Variants in RALYL observed in about 807,000 individuals in gnomAD.
RALYL encodes the protein RNA-binding Raly-like protein.
A neutral mutation model predicts 35.1 loss-of-function variants in RALYL; 29 were observed. The ratio of observed to expected loss-of-function variants is 0.83; its 90% CI spans 0.61 to 1.13. The LOEUF is 1.13. RALYL is among the 50% of genes most tolerant of loss of function. The pLI, the probability that RALYL is intolerant of heterozygous loss-of-function variation, is 0.00. For synonymous variants in RALYL, 120 were observed against 127.6 expected, an observed-to-expected ratio of 0.94 and a Z score of 0.40; for missense variants, 359 against 360.4, an observed-to-expected ratio of 1.00 and a Z score of 0.03.
intron 2 of RALYL, among the ~76,000 whole-genome samples, chr8:84,543,504 T>A (rs558787808): frequency 1.9e-3 from 288 of 150,712 alleles, no homozygotes; most frequent in African/African-American, 6.3e-3. Context: ...ATAAAAAAAA[T>A]AAAAAAAAAC....
intron 1 of RALYL, among the ~76,000 whole-genome samples, chr8:84,314,269 G>T (rs919672979): frequency 2.0e-5 from 3 of 152,028 alleles, no homozygotes; most frequent in African/African-American, 7.2e-5. Flanking sequence ...ATTATAATTT[G>T]AGATGAGATT....
chr8:84,906,973 C>G lies in RALYL; in HGVS notation c.859-13921C>G, dbSNP rs1011695494. On this transcript the variant is annotated intron_variant, in intron 8 of 8. Coordinates refer to ENST00000521268, the MANE Select transcript of RALYL (RefSeq NM_173848.7). ...ATCACAAGCTCCGGGGTTGCCTGCT[C>G]CAGGATAGCCTGAGATGAAATGAAA... The G allele has an allele frequency of 4.1e-6, 4 of 985,008 alleles. No homozygotes were observed. In the African/African-American group the frequency reaches 7.0e-5, roughly 17 times the overall value. The allele number at this position is 985,008 out of a possible 1,614,324, so 61.0% of individuals were successfully genotyped here. A position where few individuals can be genotyped will look rare whatever the true frequency, so the allele number is the denominator to read the frequency against.
At chr8:84,384,702 T>C (rs1326709290) in intron 1 of RALYL, among the ~76,000 whole-genome samples, 2 of 151,776 alleles carry the variant, frequency 1.3e-5, no homozygotes, top group African/African-American at 2.4e-5. Flanking sequence ...ACTCTGTGAA[T>C]TCAAATTCTC....
At chr8:84,238,021 AC>A (rs1162052646) in intron 1 of RALYL, among the ~76,000 whole-genome samples, 3 of 151,658 alleles carry the variant, frequency 2.0e-5, no homozygotes, top group African/African-American at 7.2e-5. Context: ...AAGAAAAAAA[AC>A]ACTAAAAAAT....
At chr8:84,551,064 G>GT (rs1364710821) in intron 2 of RALYL, among the ~76,000 whole-genome samples, 3 of 151,784 alleles carry the variant, frequency 2.0e-5, no homozygotes, top group Admixed American at 6.6e-5. Context: ...AATATGGCAG[G>GT]TTTTTTTCTA....
intron 2 of RALYL, among the ~76,000 whole-genome samples, chr8:84,640,629 C>T (rs1016346345): frequency 6.6e-6 from 1 of 151,742 alleles, no homozygotes; most frequent in African/African-American, 2.4e-5. Flanking sequence ...AAAATGTTTT[C>T]ACATCAGGCC....
chr8:84,528,799 T>G (rs1393470686), intron 1 of RALYL, among the ~76,000 whole-genome samples: 12 of 152,126 alleles, frequency 7.9e-5, no homozygotes, highest in Non-Finnish European at 1.8e-4. Context: ...TGGAACAAAT[T>G]GTTAGTTTCT....
chr8:84,828,474 T>TA (rs1830166021), intron 4 of RALYL: 1 of 152,588 alleles, frequency 6.6e-6, no homozygotes, highest in African/African-American at 2.4e-5. Context: ...CCAGTATTTA[T>TA]GGAGGTCACT....
intron 4 of RALYL, among the ~76,000 whole-genome samples, chr8:84,813,883 T>A (rs73299261): frequency 0.019 from 2,822 of 151,738 alleles, 97 homozygotes; most frequent in African/African-American, 0.065. Flanking sequence ...AGGAGGTGTA[T>A]CTCCTAATGC....
At chr8:84,914,956 T>A (rs1215883201) in intron 8 of RALYL, among the ~76,000 whole-genome samples, 3 of 152,184 alleles carry the variant, frequency 2.0e-5, no homozygotes, top group Non-Finnish European at 2.9e-5. Flanking sequence ...TTCCCGCAAT[T>A]GGTCAGAACA....
At chr8:84,570,208 C>T (rs996369483) in intron 2 of RALYL, among the ~76,000 whole-genome samples, 4 of 151,904 alleles carry the variant, frequency 2.6e-5, no homozygotes, top group Admixed American at 1.3e-4. Flanking sequence ...TTGATACTTT[C>T]AATCCATGAG....
At chr8:84,704,705 CA>C (rs1226910196) in intron 2 of RALYL, among the ~76,000 whole-genome samples, 7 of 152,012 alleles carry the variant, frequency 4.6e-5, no homozygotes. Context: ...ACAGTCTTAC[CA>C]AAGAGTTTAG....
At chr8:84,534,715 G>T (rs1229636551) in intron 2 of RALYL, among the ~76,000 whole-genome samples, 3 of 152,088 alleles carry the variant, frequency 2.0e-5, no homozygotes, top group Non-Finnish European at 4.4e-5. Context: ...AGAGAACAGG[G>T]AGAAGAAGGA....
chr8:84,656,958 G>A (rs571159680), intron 2 of RALYL, among the ~76,000 whole-genome samples: 1 of 152,060 alleles, frequency 6.6e-6, no homozygotes, highest in Non-Finnish European at 1.5e-5. Flanking sequence ...AATGTTTTAT[G>A]AGGCAAAATG....
intron 1 of RALYL, among the ~76,000 whole-genome samples, chr8:84,471,070 T>C (rs2052678929): frequency 6.6e-6 from 1 of 152,204 alleles, no homozygotes; most frequent in Non-Finnish European, 1.5e-5. Flanking sequence ...CTGAGTTACT[T>C]TGTGAAACTG....
chr8:84,703,170 C>T (rs1840518446), intron 2 of RALYL, among the ~76,000 whole-genome samples: 1 of 152,142 alleles, frequency 6.6e-6, no homozygotes, highest in Non-Finnish European at 1.5e-5. Flanking sequence ...CCTACTGCAG[C>T]ATGGTGCTCA....
chr8:84,754,594 G>A (rs555712261), intron 2 of RALYL, among the ~76,000 whole-genome samples: 3 of 152,170 alleles, frequency 2.0e-5, no homozygotes, highest in South Asian at 2.1e-4. Context: ...GTTTTTCTAA[G>A]GATCCTGCCC....
At chr8:84,332,828 G>C (rs965157306) in intron 1 of RALYL, among the ~76,000 whole-genome samples, 3 of 152,192 alleles carry the variant, frequency 2.0e-5, no homozygotes, top group African/African-American at 7.2e-5. Flanking sequence ...CAGAGAAAAA[G>C]AGCTGGAGGG....
intron 4 of RALYL, among the ~76,000 whole-genome samples, chr8:84,806,028 A>G (rs73299247): frequency 0.016 from 2,380 of 152,226 alleles, 64 homozygotes; most frequent in African/African-American, 0.054. Context: ...GACCAGATCA[A>G]TTTTCTTTTA....
Sources: gnomAD v4.1 joint callset for allele counts (sites outside exome capture counted in the v4.1 genomes callset) on GRCh38, gnomAD v4.1.1 for gene constraint, MANE v1.5 for transcripts, NCBI Gene and HGNC (gene_info 2026-07-23, HGNC 2026-07-21) for gene names.